The following INSC variants were observed in gnomAD, a reference collection of about 807,000 sequenced individuals.
The protein encoded by INSC is INSC spindle orientation adaptor protein, also known as protein inscuteable homolog.
In INSC, 67 loss-of-function variants were observed where a neutral mutation model predicts 58.6. The ratio of observed to expected loss-of-function variants is 1.14; its 90% CI spans 0.94 to 1.40. The LOEUF is 1.40. Among genes scored for constraint, INSC ranks in the 40% most tolerant of loss-of-function variants. The probability of loss-of-function intolerance (pLI) is 0.00; values close to 1 mark genes in which losing one functional copy is unlikely to be tolerated. For missense variants in INSC, 714 were observed against 692.0 expected (o/e 1.03, Z -0.36); for synonymous variants, 262 against 276.1 (o/e 0.95, Z 0.51).
chr11:15,157,146 G>A (rs531180925), intron 2 of INSC, among the ~76,000 whole-genome samples: 6 of 152,254 alleles, frequency 3.9e-5, no homozygotes, highest in African/African-American at 1.4e-4. Flanking sequence ...GGACTCCTGG[G>A]AGCCACGTTC....
chr11:15,190,749 T>G lies in INSC; in HGVS notation c.628T>G (p.Ser210Ala), dbSNP rs1201538655. Residue 210 changes from serine (S) to alanine (A), a missense_variant, in exon 6 of 13, where the codon TCC (serine) becomes GCC (alanine). Physicochemically the swap from Ser to Ala is moderately conservative, Grantham distance 99. Coordinates refer to ENST00000379556, the MANE Select transcript of INSC (RefSeq NM_001042536.3). The part of the protein sequence containing the change: ...DASDNIYTTE[S>A]TTGNLFSLTQ... ...CTCAGACAATATCTACACCACAGAG[T>G]CCACCACAGGGAACCTGTTCAGCCT... The G allele has an allele frequency of 1.4e-5, 22 of 1,613,684 alleles. No homozygotes were observed. Among genetic ancestry groups the G allele is most frequent in the Non-Finnish European group, 1.9e-5 (22 of 1,179,826 alleles).
At chr11:15,259,302 A>C in the INSC span, among the ~76,000 whole-genome samples, 1 of 152,200 alleles carries the variant, frequency 6.6e-6, no homozygotes, top group African/African-American at 2.4e-5. Context: ...AATTGTTAAT[A>C]GCTGGAGTTT....
chr11:15,129,581 C>T (rs1309930238), intron 1 of INSC, among the ~76,000 whole-genome samples: 1 of 152,162 alleles, frequency 6.6e-6, no homozygotes, highest in African/African-American at 2.4e-5. Context: ...TTACAGTTTT[C>T]TCAAGAAGGG....
intron 10 of INSC, among the ~76,000 whole-genome samples, chr11:15,236,760 T>C (rs1852148699): frequency 6.6e-6 from 1 of 152,244 alleles, no homozygotes; most frequent in Non-Finnish European, 1.5e-5. Context: ...GCTGGGAGCC[T>C]GTGCCCGCTG....
At chr11:15,208,230 G>C (rs1316591611) in intron 7 of INSC, among the ~76,000 whole-genome samples, 2 of 152,134 alleles carry the variant, frequency 1.3e-5, no homozygotes, top group African/African-American at 4.8e-5. Flanking sequence ...CCTCTCTTTG[G>C]CACTCAACCC....
At chr11:15,154,890 T>C (rs1209975801) in intron 2 of INSC, among the ~76,000 whole-genome samples, 1 of 152,226 alleles carries the variant, frequency 6.6e-6, no homozygotes, top group Non-Finnish European at 1.5e-5. Context: ...TCCCATTCTT[T>C]CCTGTGAAAT....
chr11:15,112,282 C>A, upstream of INSC: 1 of 477,220 alleles, frequency 2.1e-6, no homozygotes, highest in Non-Finnish European at 3.7e-6. Flanking sequence ...GGGAGGGGGT[C>A]GAGGGGGAGG....
intron 2 of INSC, among the ~76,000 whole-genome samples, chr11:15,161,415 A>G (rs1232418373): frequency 6.6e-6 from 1 of 152,246 alleles, no homozygotes; most frequent in African/African-American, 2.4e-5. Flanking sequence ...TTTCTGAGTA[A>G]TGTTGATCTG....
rs770972408 is a variant in INSC at position 15,225,820 on chromosome 11, C to T, written c.1162C>T (p.Arg388Trp). 1.8e-5 allele frequency: 29 copies of T among 1,612,248 alleles called. No homozygotes were observed. Among genetic ancestry groups the T allele is most frequent in the East Asian group, 1.8e-4 (8 of 44,758 alleles). ...GCAGAGAGTGGACACGCCTTACACT[C>T]GGGACCAGGTAAGACGCCCAGAAGG... ...DKQRVDTPYTRDQIVTILANM... is the reference protein window; with the variant it reads ...DKQRVDTPYTWDQIVTILANM... The change falls in exon 9 of 13, where the codon CGG becomes TGG. Residue 388 changes from arginine (R) to tryptophan (W), a missense_variant. Coordinates refer to ENST00000379556, the MANE Select transcript of INSC (RefSeq NM_001042536.3).
chr11:15,202,377 G>A (rs577279529), intron 7 of INSC, among the ~76,000 whole-genome samples: 1 of 152,292 alleles, frequency 6.6e-6, no homozygotes, highest in East Asian at 1.9e-4. Context: ...GTCTTCTAAG[G>A]CTGAAACCAA....
intron 4 of INSC, among the ~76,000 whole-genome samples, chr11:15,177,917 T>C (rs1204205190): frequency 6.6e-6 from 1 of 152,214 alleles, no homozygotes; most frequent in Non-Finnish European, 1.5e-5. Context: ...GCCACAGGCA[T>C]TGCTATCCAC....
At chr11:15,231,068 G>C (rs1851906207) in intron 9 of INSC, among the ~76,000 whole-genome samples, 1 of 152,190 alleles carries the variant, frequency 6.6e-6, no homozygotes, top group South Asian at 2.1e-4. Flanking sequence ...CTGCCAGAGG[G>C]AGGAAAAGGC....
At chr11:15,173,519 TTAAA>T (rs1849472245) in intron 2 of INSC, among the ~76,000 whole-genome samples, 1 of 152,146 alleles carries the variant, frequency 6.6e-6, no homozygotes, top group South Asian at 2.1e-4. Flanking sequence ...TAATATAAAA[TTAAA>T]TATGATTTCA....
At chr11:15,241,771 T>C in intron 12 of INSC, 1 of 586,074 alleles carries the variant, frequency 1.7e-6, no homozygotes, top group Non-Finnish European at 3.0e-6. Context: ...ATATTAAAAA[T>C]TATTAAACTA....
the INSC span, among the ~76,000 whole-genome samples, chr11:15,265,686 G>A: frequency 6.6e-6 from 1 of 151,612 alleles, no homozygotes; most frequent in Admixed American, 6.6e-5. Flanking sequence ...CCAGAAGCTT[G>A]TAAATTTTAC....
At position 15,177,252 on chromosome 11, in the gene INSC, G is replaced by T. The variant is rs972050811; in HGVS notation, c.455+89G>T. 246 of 964,606 alleles carry T rather than the reference G, an allele frequency of 2.6e-4. 1 individual carries two copies. Among genetic ancestry groups the T allele is most frequent in the Non-Finnish European group, 2.9e-5 (17 of 593,830 alleles). The allele number at this position is 964,606 out of a possible 1,614,324, so 59.8% of individuals were successfully genotyped here. On this transcript the variant is annotated intron_variant, in intron 4 of 12. Coordinates refer to ENST00000379556, the MANE Select transcript of INSC (RefSeq NM_001042536.3). ...GTATCTTCTCCCAGAGGGAGAATGG[G>T]AATGGGAGGCGTGGTGGTGGTTTCA...
intron 6 of INSC, among the ~76,000 whole-genome samples, chr11:15,192,984 T>C (rs1434831653): frequency 1.3e-5 from 2 of 152,196 alleles, no homozygotes; most frequent in Non-Finnish European, 2.9e-5. Context: ...AGGAGGGTGG[T>C]ACTAACATTT....
chr11:15,222,299 G>C (rs537965972), intron 8 of INSC, among the ~76,000 whole-genome samples: 1 of 152,146 alleles, frequency 6.6e-6, no homozygotes, highest in Non-Finnish European at 1.5e-5. Context: ...AATTTTTTGT[G>C]ACCCACCTCT....
At chr11:15,235,814 G>A in intron 10 of INSC, 146 bp downstream of exon 10, 1 of 759,562 alleles carries the variant, frequency 1.3e-6, no homozygotes, top group Admixed American at 1.8e-5. Context: ...CCAGCACTTT[G>A]GGAAGCAGAG....
Sources: allele counts gnomAD v4.1 joint callset (sites outside exome capture counted in the v4.1 genomes callset), GRCh38; gene constraint gnomAD v4.1.1; transcripts MANE v1.5; gene names NCBI Gene and HGNC (gene_info 2026-07-23, HGNC 2026-07-21).